EYS: variants seen among roughly 807,000 people sequenced by gnomAD.
EYS encodes protein eyes shut homolog.
In EYS, 250 loss-of-function variants were observed where a neutral mutation model predicts 282.1. The ratio of observed to expected loss-of-function variants is 0.89; its 90% CI spans 0.80 to 0.98. The LOEUF (loss-of-function observed/expected upper bound fraction) is 0.98. Among genes scored for constraint, EYS ranks in the 50% least tolerant of loss-of-function variants. EYS has a pLI of 0.00. For missense variants in EYS, 4,016 were observed against 3,709.0 expected (o/e 1.08, Z -2.15); for synonymous variants, 1,355 against 1,282.9 (o/e 1.06, Z -1.20).
chr6:64,809,178 G>A (rs958448174), intron 22 of EYS, among the ~76,000 whole-genome samples: 2 of 152,010 alleles, frequency 1.3e-5, no homozygotes, highest in Non-Finnish European at 2.9e-5. Flanking sequence ...TAACAACCAC[G>A]AAGATCAATA....
intron 26 of EYS, among the ~76,000 whole-genome samples, chr6:64,555,389 T>C (rs1582889503): frequency 6.6e-6 from 1 of 151,764 alleles, no homozygotes. Flanking sequence ...GGACAAAGGA[T>C]ACCAAATTTA....
intron 41 of EYS, among the ~76,000 whole-genome samples, chr6:63,727,919 C>T (rs1768682135): frequency 6.8e-6 from 1 of 147,620 alleles, no homozygotes; most frequent in South Asian, 2.1e-4. Flanking sequence ...GAGTGGGACC[C>T]TGTCGTAAAA....
chr6:64,841,694 T>C (rs923535448), intron 19 of EYS, among the ~76,000 whole-genome samples: 3 of 152,178 alleles, frequency 2.0e-5, no homozygotes, highest in African/African-American at 7.2e-5. Context: ...CTGTAAAATG[T>C]TCAAAGGTTT....
chr6:64,477,362 G>T (rs552832124), intron 26 of EYS, among the ~76,000 whole-genome samples: 2 of 152,098 alleles, frequency 1.3e-5, no homozygotes, highest in South Asian at 4.1e-4. Flanking sequence ...CCATCACCTT[G>T]TAGTGTTATT....
At chr6:64,052,423 T>C (rs1482509465) in intron 33 of EYS, among the ~76,000 whole-genome samples, 1 of 152,164 alleles carries the variant, frequency 6.6e-6, no homozygotes, top group Non-Finnish European at 1.5e-5. Flanking sequence ...GAAATAAATA[T>C]TCATTTTAGT....
At chr6:64,846,707 T>C (rs1765726867) in intron 19 of EYS, among the ~76,000 whole-genome samples, 2 of 152,250 alleles carry the variant, frequency 1.3e-5, no homozygotes, top group South Asian at 2.1e-4. Context: ...TAAAATCTCA[T>C]TGATTTTAAT....
intron 22 of EYS, among the ~76,000 whole-genome samples, chr6:64,706,856 A>G (rs1205706542): frequency 2.0e-5 from 3 of 152,184 alleles, no homozygotes; most frequent in Non-Finnish European, 2.9e-5. Context: ...ACACTTTTAC[A>G]CCACTGGTGG....
chr6:63,977,423 C>T (rs1766890771), intron 35 of EYS, among the ~76,000 whole-genome samples: 1 of 152,036 alleles, frequency 6.6e-6, no homozygotes, highest in Non-Finnish European at 1.5e-5. Context: ...CATGGAGATG[C>T]TTCCTGATCG....
chr6:64,723,713 G>A (rs1771661830), intron 22 of EYS, among the ~76,000 whole-genome samples: 1 of 152,172 alleles, frequency 6.6e-6, no homozygotes, highest in Admixed American at 6.5e-5. Context: ...GCTTGTGTGA[G>A]CATCGCTGAA....
chr6:65,642,160 A>C (rs529064555), intron 1 of EYS, among the ~76,000 whole-genome samples: 5 of 152,222 alleles, frequency 3.3e-5, no homozygotes, highest in Middle Eastern at 3.4e-3. Context: ...AAAAGGATAA[A>C]TTATTTTGTG....
intron 11 of EYS, chr6:65,300,813 T>G (rs1768799817): frequency 6.6e-6 from 1 of 152,202 alleles, no homozygotes; most frequent in Non-Finnish European, 1.5e-5. Context: ...CCACCCACAT[T>G]TTTAGAGCAG....
chr6:65,226,188 C>T (rs547434535), intron 12 of EYS, among the ~76,000 whole-genome samples: 84 of 151,946 alleles, frequency 5.5e-4, no homozygotes, highest in Admixed American at 1.1e-3. Flanking sequence ...TACATATCAA[C>T]ACACTAAAAT....
intron 30 of EYS, among the ~76,000 whole-genome samples, chr6:64,256,424 T>A (rs560256893): frequency 3.3e-5 from 5 of 151,912 alleles, no homozygotes; most frequent in Non-Finnish European, 7.4e-5. Context: ...CTACTAGGGG[T>A]TCACAATGGA....
intron 22 of EYS, among the ~76,000 whole-genome samples, chr6:64,744,947 C>G (rs926502954): frequency 6.6e-6 from 1 of 152,054 alleles, no homozygotes; most frequent in Non-Finnish European, 1.5e-5. Context: ...ATTAAAAACT[C>G]TGGAACAGTT....
intron 15 of EYS, among the ~76,000 whole-genome samples, chr6:64,941,372 T>C (rs1769085477): frequency 6.6e-6 from 1 of 151,488 alleles, no homozygotes; most frequent in East Asian, 2.0e-4. Flanking sequence ...AGAGTGAGAG[T>C]CTGCCTCAAA....
chr6:65,089,725 G>A lies in EYS; in HGVS notation c.2024-31998C>T, dbSNP rs150319070. 7.1e-3 allele frequency among the ~76,000 whole-genome samples: 1,081 copies of A among 151,966 alleles called. 13 individuals carry two copies. Among genetic ancestry groups the A allele is most frequent in the Admixed American group, 0.016 (239 of 15,260 alleles). ...CAGCACTTCTTTGGGAGGCCAAGGCGGGAGAATCACTTGAGGTTAGGAGAT... is the reference window on the plus strand; with the variant it reads ...CAGCACTTCTTTGGGAGGCCAAGGCAGGAGAATCACTTGAGGTTAGGAGAT... On this transcript the variant is annotated intron_variant, in intron 12 of 42. Coordinates refer to ENST00000503581, the MANE Select transcript of EYS (RefSeq NM_001142800.2).
At chr6:64,274,489 T>TTTTTGTTTGTTTG (rs1396123856) in intron 30 of EYS, among the ~76,000 whole-genome samples, 43 of 146,818 alleles carry the variant, frequency 2.9e-4, no homozygotes, top group African/African-American at 1.1e-3. Flanking sequence ...CCGTTTTTTT[T>TTTTTGTTTGTTTG]TTTTTTTTTT....
intron 8 of EYS, among the ~76,000 whole-genome samples, chr6:65,371,399 A>G (rs994255679): frequency 1.3e-5 from 2 of 151,644 alleles, no homozygotes; most frequent in African/African-American, 2.4e-5. Flanking sequence ...AGGACTGTAT[A>G]TAACATTTTA....
At chr6:64,431,479 A>G (rs2150459941) in intron 28 of EYS, among the ~76,000 whole-genome samples, 1 of 152,266 alleles carries the variant, frequency 6.6e-6, no homozygotes, top group South Asian at 2.1e-4. Flanking sequence ...TAATCCACAC[A>G]GGTAAATCTC....
Sources: allele counts gnomAD v4.1 joint callset (sites outside exome capture counted in the v4.1 genomes callset), GRCh38; gene constraint gnomAD v4.1.1; transcripts MANE v1.5; gene names NCBI Gene and HGNC (gene_info 2026-07-23, HGNC 2026-07-21).